The following PCBD2 variants were observed in gnomAD, a reference collection of about 807,000 sequenced individuals.
The protein encoded by PCBD2 is pterin-4 alpha-carbinolamine dehydratase 2, also known as pterin-4-alpha-carbinolamine dehydratase 2.
Under a neutral mutation model 16.4 loss-of-function variants are expected in PCBD2, and 12 were observed. That is an observed-to-expected ratio of 0.73 (90% CI 0.47 to 1.19). The LOEUF (loss-of-function observed/expected upper bound fraction) is 1.19, where lower values mean the gene tolerates loss of function less well. Ranked by LOEUF, PCBD2 falls within the 50% of genes most tolerant of loss-of-function variation. The probability of loss-of-function intolerance (pLI) is 0.00; values close to 1 mark genes in which losing one functional copy is unlikely to be tolerated. For missense variants in PCBD2, 138 were observed against 156.8 expected (o/e 0.88, Z 0.64); for synonymous variants, 58 against 61.8 (o/e 0.94, Z 0.29).
intron 2 of PCBD2, among the ~76,000 whole-genome samples, chr5:134,929,029 A>C (rs1751058642): frequency 6.6e-6 from 1 of 152,144 alleles, no homozygotes; most frequent in African/African-American, 2.4e-5. Flanking sequence ...TCTGGGTTGG[A>C]GATAATTGGA....
chr5:134,907,428 G>T (rs1197362978), intron 1 of PCBD2, among the ~76,000 whole-genome samples: 2 of 151,936 alleles, frequency 1.3e-5, no homozygotes, highest in Admixed American at 6.6e-5. Context: ...ATTTTTAGTA[G>T]AGACGGGTTT....
intron 2 of PCBD2, among the ~76,000 whole-genome samples, chr5:134,940,424 A>C (rs1450483844): frequency 6.6e-6 from 1 of 151,006 alleles, no homozygotes; most frequent in African/African-American, 2.4e-5. Flanking sequence ...GTCATGGTGC[A>C]GCATATATAT....
intron 2 of PCBD2, among the ~76,000 whole-genome samples, chr5:134,918,627 A>G (rs1474417160): frequency 1.3e-5 from 2 of 152,264 alleles, no homozygotes; most frequent in African/African-American, 2.4e-5. Context: ...GTTGCATTTA[A>G]CATGTGCTCA....
chr5:134,918,060 A>G (rs78193935), intron 2 of PCBD2, among the ~76,000 whole-genome samples: 2,097 of 152,292 alleles, frequency 0.014, 19 homozygotes, highest in Middle Eastern at 0.037. Flanking sequence ...TGAATGAATT[A>G]GTTTGGGTTT....
intron 2 of PCBD2, among the ~76,000 whole-genome samples, chr5:134,934,694 C>T (rs761506685): frequency 1.3e-5 from 2 of 152,048 alleles, no homozygotes; most frequent in Non-Finnish European, 2.9e-5. Context: ...AGTTGTGGAC[C>T]ACATCTTCAG....
chr5:134,951,025 A>T (rs1010818855), intron 2 of PCBD2, among the ~76,000 whole-genome samples: 4 of 152,174 alleles, frequency 2.6e-5, no homozygotes, highest in Admixed American at 2.6e-4. Flanking sequence ...TGGGAACTTC[A>T]TTTGCATGTT....
chr5:134,920,336 C>G (rs962826351), intron 2 of PCBD2, among the ~76,000 whole-genome samples: 1 of 152,170 alleles, frequency 6.6e-6, no homozygotes, highest in African/African-American at 2.4e-5. Flanking sequence ...CCCTGGTTCC[C>G]ACAGCAACAT....
At chr5:134,910,661 G>C (rs1369946171) in intron 2 of PCBD2, among the ~76,000 whole-genome samples, 195 bp downstream of exon 2, 1 of 152,222 alleles carries the variant, frequency 6.6e-6, no homozygotes, top group Non-Finnish European at 1.5e-5. Flanking sequence ...TAGCTCTGGG[G>C]GAAGAGGGTG....
intron 2 of PCBD2, among the ~76,000 whole-genome samples, chr5:134,930,963 G>A (rs1751085602): frequency 6.6e-6 from 1 of 151,904 alleles, no homozygotes; most frequent in Admixed American, 6.6e-5. Flanking sequence ...TGTTGCCCAC[G>A]CTGGAATGCA....
At chr5:134,924,261 G>A (rs570260945) in intron 2 of PCBD2, 67 of 394,414 alleles carry the variant, frequency 1.7e-4, no homozygotes, top group African/African-American at 1.2e-3. Flanking sequence ...TCTGAATTAC[G>A]GGGGAGGTTA....
chr5:134,950,630 A>C (rs560760126), intron 2 of PCBD2, among the ~76,000 whole-genome samples: 1 of 152,306 alleles, frequency 6.6e-6, no homozygotes, highest in Admixed American at 6.5e-5. Flanking sequence ...AAAATCTTTA[A>C]TTGCTGATGG....
At chr5:134,958,083 T>G (rs1472782141) in intron 2 of PCBD2, among the ~76,000 whole-genome samples, 1 of 152,212 alleles carries the variant, frequency 6.6e-6, no homozygotes, top group Non-Finnish European at 1.5e-5. Context: ...AATATTTGTT[T>G]ACGTGGGTGT....
chr5:134,948,791 G>A (rs1250741895), intron 2 of PCBD2, among the ~76,000 whole-genome samples: 1 of 151,032 alleles, frequency 6.6e-6, no homozygotes, highest in Non-Finnish European at 1.5e-5. Flanking sequence ...GTGTTTAGAA[G>A]TGAGCATGCT....
At chr5:134,923,483 G>A (rs77156321) in intron 2 of PCBD2, 1 of 261,240 alleles carries the variant, frequency 3.8e-6, no homozygotes, top group East Asian at 7.1e-5. Context: ...CTAGGGCTGT[G>A]ATAATGAAGG....
Position 134,961,622 on chromosome 5 carries a change from A to C in PCBD2, c.*941A>C, listed in dbSNP as rs1402970406. 4.6e-5 allele frequency among the ~76,000 whole-genome samples: 7 copies of C among 152,154 alleles called. No homozygotes were observed. Among genetic ancestry groups the C allele is most frequent in the Admixed American group, 4.6e-4 (7 of 15,278 alleles). ...TTAAATTCAAGAAATTGGGATGGGG[A>C]GTATTCACACATTTTATAACCCAGA... On this transcript the variant is annotated 3_prime_UTR_variant, in exon 4 of 4. Coordinates refer to ENST00000254908, the MANE Select transcript of PCBD2 (RefSeq NM_032151.5).
intron 2 of PCBD2, among the ~76,000 whole-genome samples, chr5:134,941,368 A>G (rs1018568028): frequency 6.6e-6 from 1 of 152,178 alleles, no homozygotes; most frequent in South Asian, 2.1e-4. Context: ...ATATTATCTA[A>G]TGTTTCCACT....
chr5:134,958,915 T>C, intron 2 of PCBD2, 125 bp from the exon 3 acceptor site: 2 of 682,358 alleles, frequency 2.9e-6, no homozygotes, highest in Non-Finnish European at 5.0e-6. Context: ...CCTTTCATAG[T>C]TGATTTCCAC....
chr5:134,927,042 G>T, intron 2 of PCBD2: 1 of 398,482 alleles, frequency 2.5e-6, no homozygotes, highest in South Asian at 1.3e-4. Flanking sequence ...TTCGTAGTTT[G>T]AGTTTGCTAG....
intron 2 of PCBD2, chr5:134,926,340 G>A (rs1205730442): frequency 8.6e-5 from 32 of 370,030 alleles, no homozygotes; most frequent in Non-Finnish European, 2.4e-5. Context: ...GGGTGGATGC[G>A]ATAATGGATT....
Sources: gnomAD v4.1 joint callset for allele counts (sites outside exome capture counted in the v4.1 genomes callset) on GRCh38, gnomAD v4.1.1 for gene constraint, MANE v1.5 for transcripts, NCBI Gene and HGNC (gene_info 2026-07-23, HGNC 2026-07-21) for gene names.